Variants in GCNT2 observed in about 807,000 individuals in gnomAD.
GCNT2 encodes glucosaminyl (N-acetyl) transferase 2 (I blood group).
GCNT2 carries 34 observed loss-of-function variants against 34.2 expected under a neutral mutation model. The ratio of observed to expected loss-of-function variants is 1.00; its 90% confidence interval spans 0.76 to 1.32. The LOEUF is 1.32. Ranked by LOEUF, GCNT2 falls within the 40% of genes most tolerant of loss-of-function variation. The pLI is 0.00. For missense variants in GCNT2, 584 were observed against 489.4 expected (o/e 1.19, Z -1.82); for synonymous variants, 212 against 188.0 (o/e 1.13, Z -1.04).
At chr6:10,556,004 T>C in intron 3 of GCNT2, 1 of 1,102,862 alleles carries the variant, frequency 9.1e-7, no homozygotes, top group East Asian at 7.4e-5. Flanking sequence ...AACTCTGGCT[T>C]TCACTGCGCT....
At chr6:10,606,053 G>A (rs1225471618) in intron 3 of GCNT2, among the ~76,000 whole-genome samples, 4 of 152,180 alleles carry the variant, frequency 2.6e-5, no homozygotes, top group African/African-American at 9.7e-5. Flanking sequence ...GGTGGCTCAC[G>A]CCTGTAATCC....
At chr6:10,626,352 G>A (rs1766253343) in intron 4 of GCNT2, 65 bp from the exon 5 acceptor site, 1 of 1,163,446 alleles carries the variant, frequency 8.6e-7, no homozygotes, top group Non-Finnish European at 1.3e-6. Flanking sequence ...CTAGTATTCT[G>A]TAAGTTCATC....
intron 3 of GCNT2, among the ~76,000 whole-genome samples, chr6:10,558,754 A>G (rs1297740881): frequency 6.6e-6 from 1 of 152,228 alleles, no homozygotes; most frequent in Non-Finnish European, 1.5e-5. Flanking sequence ...TTCTCTGGAA[A>G]ATACCATGCC....
chr6:10,620,809 A>C (rs1561842235), intron 3 of GCNT2, among the ~76,000 whole-genome samples: 1 of 152,224 alleles, frequency 6.6e-6, no homozygotes, highest in East Asian at 1.9e-4. Context: ...CACTTAGCAC[A>C]GTGTTTCTCA....
At chr6:10,623,653 G>A (rs1766142660) in intron 4 of GCNT2, among the ~76,000 whole-genome samples, 1 of 152,094 alleles carries the variant, frequency 6.6e-6, no homozygotes, top group Admixed American at 6.6e-5. Context: ...GCCCATCTCT[G>A]ATTACAGTGT....
chr6:10,528,848 T>TA lies in GCNT2; in HGVS notation c.-61dup. 2 of 1,319,138 alleles carry TA rather than the reference T, an allele frequency of 1.5e-6. No homozygotes were observed. Among genetic ancestry groups the TA allele is most frequent in the Non-Finnish European group, 1.1e-6 (1 of 913,514 alleles). 81.7% of individuals were successfully genotyped at this position (1,319,138 alleles called of 1,614,324 possible). A position where few individuals can be genotyped will look rare whatever the true frequency, so the allele number is the denominator to read the frequency against. On this transcript the variant is annotated 5_prime_UTR_variant, in exon 3 of 5. Transcript: ENST00000495262. ...TTCGGAACCTGGAGAAAATGTAAGT[T>TA]AAATATATCTACACTCTGATCCTAT...
chr6:10,523,537 G>A (rs1207708607), intron 1 of GCNT2, among the ~76,000 whole-genome samples: 3 of 151,504 alleles, frequency 2.0e-5, no homozygotes, highest in Admixed American at 2.0e-4. Flanking sequence ...CCCCCTCGTA[G>A]CCTCTTCTTC....
intron 3 of GCNT2, among the ~76,000 whole-genome samples, chr6:10,580,413 T>C (rs1764020857): frequency 6.6e-6 from 1 of 152,208 alleles, no homozygotes; most frequent in African/African-American, 2.4e-5. Flanking sequence ...TACCTGCCTG[T>C]AGGCATTTGA....
chr6:10,574,770 A>G, intron 3 of GCNT2: 1 of 590,804 alleles, frequency 1.7e-6, no homozygotes, highest in Admixed American at 2.2e-5. Context: ...CGTAGGGAAG[A>G]GGTTCCAGCA....
Position 10,530,063 on chromosome 6 carries a change from C to T in GCNT2, c.925+227C>T, listed in dbSNP as rs1581362427. 9.8e-6 allele frequency: 5 copies of T among 510,912 alleles called. No homozygotes were observed. The South Asian group carries it at 1.1e-4, about 11-fold the overall frequency. The allele number at this position is 510,912 out of a possible 1,614,324, so 31.6% of individuals were successfully genotyped here. ...GACAAAAGACCGAAGGAACACTGGCCATATAAATAAAAACGTGACCGAGCA... is the reference window on the plus strand; with the variant it reads ...GACAAAAGACCGAAGGAACACTGGCTATATAAATAAAAACGTGACCGAGCA... On this transcript the variant is annotated intron_variant, in intron 3 of 4. Transcript: ENST00000495262.
chr6:10,625,519 A>G (rs1766220073), intron 4 of GCNT2, among the ~76,000 whole-genome samples: 1 of 116,198 alleles, frequency 8.6e-6, no homozygotes, highest in African/African-American at 3.5e-5. Flanking sequence ...TATTGAGGTT[A>G]AAAAAAAAAA....
chr6:10,551,449 TTA>T (rs932211628), intron 3 of GCNT2, among the ~76,000 whole-genome samples: 2 of 131,714 alleles, frequency 1.5e-5, no homozygotes, highest in African/African-American at 6.1e-5. Flanking sequence ...TATTATTAAT[TTA>T]TTTTTTTTTT....
rs1423710772 is a variant in GCNT2 at position 10,621,428 on chromosome 6, C to T, written c.1003C>T (p.His335Tyr). The stretch of plus-strand genomic sequence containing the variant: ...AAAGTGGAGTGACATGGAAGACAGA[C>T]ACGGAGGCTGCCACGGTGAGGCTCT... The part of the protein sequence containing the change: ...AIKWSDMEDR[H>Y]GGCHGHYVHG... The change falls in exon 4 of 5, where the codon CAC (histidine) becomes TAC (tyrosine). Residue 335 changes from histidine to tyrosine, a missense_variant. His to Tyr is a moderately conservative substitution (Grantham distance 83). Transcript: ENST00000495262. 6.2e-7 allele frequency: 1 copy of T among 1,610,852 alleles called. No homozygotes were observed. The highest frequency in any genetic ancestry group is 8.5e-7 in the Non-Finnish European group (1 of 1,177,210).
In GCNT2 at chr6:10,527,875, TA is replaced by T. The variant is rs761168993; in HGVS notation, c.-282+224del. On this transcript the variant is annotated intron_variant, in intron 2 of 4. Transcript: ENST00000495262. ...AAAATTATTCTCATTTTTTACAGATTAAAAAAAAAGCCTCCTTTAAAGCATT... is the reference window on the plus strand; with the variant it reads ...AAAATTATTCTCATTTTTTACAGATTAAAAAAAAGCCTCCTTTAAAGCATT... Among the ~76,000 whole-genome samples, 73 of 150,906 alleles carry T rather than the reference TA, an allele frequency of 4.8e-4. 2 individuals are homozygous for T. The South Asian group carries it at 0.014, about 29-fold the overall frequency.
chr6:10,616,651 A>G (rs1341682795), intron 3 of GCNT2, among the ~76,000 whole-genome samples: 1 of 152,190 alleles, frequency 6.6e-6, no homozygotes, highest in African/African-American at 2.4e-5. Context: ...AGTCCTCACC[A>G]GAGTAACTAG....
intron 3 of GCNT2, chr6:10,556,378 C>A: frequency 6.2e-7 from 1 of 1,611,638 alleles, no homozygotes; most frequent in Non-Finnish European, 8.5e-7. Context: ...GGAAAAAAGA[C>A]TTACAGATTT....
At chr6:10,565,725 C>T (rs760591338) in intron 3 of GCNT2, among the ~76,000 whole-genome samples, 2 of 152,066 alleles carry the variant, frequency 1.3e-5, no homozygotes, top group African/African-American at 4.8e-5. Context: ...ATTCTTTTCC[C>T]CCCACACCAC....
At chr6:10,531,040 C>CA (rs568195630) in intron 3 of GCNT2, among the ~76,000 whole-genome samples, 1,366 of 95,532 alleles carry the variant, frequency 0.014, 17 homozygotes, top group South Asian at 0.047. Context: ...GACTCTGTCT[C>CA]AAAAAAAAAA....
intron 3 of GCNT2, among the ~76,000 whole-genome samples, chr6:10,588,317 G>T (rs1264716341): frequency 6.6e-6 from 1 of 152,190 alleles, no homozygotes; most frequent in Non-Finnish European, 1.5e-5. Context: ...TGTAAATACT[G>T]CATGCGTGGC....
Sources: allele counts gnomAD v4.1 joint callset (sites outside exome capture counted in the v4.1 genomes callset), GRCh38; gene constraint gnomAD v4.1.1; transcripts MANE v1.5; gene names NCBI Gene and HGNC (gene_info 2026-07-23, HGNC 2026-07-21).